ARHGAP32: variants seen among roughly 807,000 people sequenced by gnomAD.
The protein encoded by ARHGAP32 is Rho GTPase activating protein 32, also known as rho GTPase-activating protein 32.
In ARHGAP32, 51 loss-of-function variants were observed where a neutral mutation model predicts 186.5. The ratio of observed to expected loss-of-function variants is 0.27; its 90% CI spans 0.22 to 0.35. ARHGAP32 has a LOEUF of 0.35. Among genes scored for constraint, ARHGAP32 ranks in the 10% least tolerant of loss-of-function variants. ARHGAP32 has a pLI of 1.00. For missense variants in ARHGAP32, 2,186 were observed against 2,623.5 expected (o/e 0.83, Z 3.64); for synonymous variants, 950 against 964.3 (o/e 0.99, Z 0.27).
intron 6 of ARHGAP32, among the ~76,000 whole-genome samples, chr11:129,089,979 A>G (rs1371754585): frequency 6.6e-6 from 1 of 152,180 alleles, no homozygotes; most frequent in Non-Finnish European, 1.5e-5. Context: ...AGAGAGAGAG[A>G]GGGAGAGACT....
intron 1 of ARHGAP32, among the ~76,000 whole-genome samples, chr11:129,272,943 G>A (rs1945489792): frequency 1.3e-5 from 2 of 152,156 alleles, no homozygotes; most frequent in South Asian, 4.1e-4. Flanking sequence ...GTAAAAATCT[G>A]GCTTTAATTG....
At chr11:129,027,524 A>G (rs1311575643) in intron 11 of ARHGAP32, among the ~76,000 whole-genome samples, 1 of 151,940 alleles carries the variant, frequency 6.6e-6, no homozygotes, top group African/African-American at 2.4e-5. Flanking sequence ...CTGACCCTTT[A>G]CCAAGTCTGA....
At chr11:129,159,285 G>A (rs2262395) in intron 2 of ARHGAP32, among the ~76,000 whole-genome samples, 131,463 of 152,118 alleles carry the variant, frequency 0.86, 56,933 homozygotes, top group African/African-American at 0.88. Flanking sequence ...GAAAAGATTA[G>A]CAAAATGGAT....
At chr11:129,188,352 A>C (rs967391625) in intron 1 of ARHGAP32, among the ~76,000 whole-genome samples, 3 of 152,212 alleles carry the variant, frequency 2.0e-5, no homozygotes, top group Non-Finnish European at 4.4e-5. Context: ...ATAAAAGAAC[A>C]GGCAGAGTAA....
At chr11:129,231,838 A>C (rs1414389873) in intron 1 of ARHGAP32, among the ~76,000 whole-genome samples, 1 of 151,868 alleles carries the variant, frequency 6.6e-6, no homozygotes, top group Non-Finnish European at 1.5e-5. Flanking sequence ...CAGCCTGGGC[A>C]ACATTGAGAA....
intron 1 of ARHGAP32, among the ~76,000 whole-genome samples, chr11:129,219,819 A>G (rs1254723790): frequency 1.3e-5 from 2 of 152,074 alleles, no homozygotes; most frequent in Admixed American, 1.3e-4. Flanking sequence ...AACAAAAATA[A>G]CATCTGGAGG....
intron 2 of ARHGAP32, among the ~76,000 whole-genome samples, chr11:129,153,678 G>A (rs1020813945): frequency 6.6e-6 from 1 of 152,156 alleles, no homozygotes; most frequent in Non-Finnish European, 1.5e-5. Context: ...TAATTGGCAA[G>A]CCAAATGTAG....
intron 5 of ARHGAP32, among the ~76,000 whole-genome samples, chr11:129,115,502 A>G (rs954929291): frequency 2.0e-5 from 3 of 152,090 alleles, no homozygotes; most frequent in African/African-American, 7.2e-5. Context: ...TCATCTTTAA[A>G]CACTAGAATC....
chr11:129,249,877 T>G (rs1565480612), intron 1 of ARHGAP32, among the ~76,000 whole-genome samples: 1 of 152,056 alleles, frequency 6.6e-6, no homozygotes, highest in Non-Finnish European at 1.5e-5. Flanking sequence ...GACTCCAACT[T>G]TGCCACTTAA....
In ARHGAP32 at chr11:129,123,914, T is replaced by G; in HGVS notation, c.333A>C (p.Gly111=). The G allele has an allele frequency of 7.7e-7, 1 of 1,292,854 alleles. No individual in the cohort carries two copies. Among genetic ancestry groups the G allele is most frequent in the South Asian group, 1.2e-5 (1 of 80,942 alleles). 80.1% of individuals were successfully genotyped at this position (1,292,854 alleles called of 1,614,324 possible). Reference sequence around the variant, plus strand: ...TGTGAATGTTGTCACAGCCCATCAGTCCTGGAGTGGTGGACCTGAACGCAG... The same window carrying G: ...TGTGAATGTTGTCACAGCCCATCAGGCCTGGAGTGGTGGACCTGAACGCAG... ...VKHVKKSTTP[G]LMGCDNIHRL... Residue 111 remains glycine, a synonymous_variant, in exon 4 of 23, where the codon GGA becomes GGC. Coordinates refer to ENST00000682385, the MANE Select transcript of ARHGAP32 (RefSeq NM_001378024.1). The surrounding 1 kb of genome is among the most constrained non-coding windows in gnomAD (Gnocchi z 4.6).
At chr11:129,195,365 G>C (rs576912006), upstream of ARHGAP32, among the ~76,000 whole-genome samples, 3 of 151,934 alleles carry the variant, frequency 2.0e-5, no homozygotes, top group Non-Finnish European at 4.4e-5. Context: ...CCCTCACTTC[G>C]AGCCTTTCAA....
intron 11 of ARHGAP32, among the ~76,000 whole-genome samples, chr11:129,036,096 G>A (rs1300745762): frequency 6.6e-6 from 1 of 151,758 alleles, no homozygotes; most frequent in African/African-American, 2.4e-5. Context: ...ACATGAGAAT[G>A]GGCCAGGCAC....
chr11:128,975,097 T>C lies in ARHGAP32; in HGVS notation c.2195-95A>G, dbSNP rs755514937. 52 of 981,262 alleles carry C rather than the reference T, an allele frequency of 5.3e-5. No individual in the cohort carries two copies. The Middle Eastern group carries it at 5.5e-3, about 103-fold the overall frequency. 60.8% of individuals were successfully genotyped at this position (981,262 alleles called of 1,614,324 possible). On this transcript the variant is annotated intron_variant, in intron 20 of 22. Transcript: ENST00000682385. ...CTCAGCACAGCAGTAACTTACTATC[T>C]AGGTGAAGGAAGTGTTACTTCTCAT...
rs773772084 is a variant in ARHGAP32 at position 129,192,035 on chromosome 11, G to A, written c.116+48C>T. On this transcript the variant is annotated intron_variant, in intron 1 of 22. Coordinates refer to ENST00000682385, the MANE Select transcript of ARHGAP32 (RefSeq NM_001378024.1). ...GCAGAGAAGAAAAAGGGGTGCGGGT[G>A]GGGGTAGGGAGTGGACAGGACAAAG... The A allele has an allele frequency of 3.8e-6, 5 of 1,327,806 alleles. No individual in the cohort carries two copies. In the African/African-American group the frequency reaches 7.3e-5, roughly 19 times the overall value. The allele number at this position is 1,327,806 out of a possible 1,614,324, so 82.3% of individuals were successfully genotyped here.
At chr11:129,082,826 CA>C (rs962819743) in intron 6 of ARHGAP32, among the ~76,000 whole-genome samples, 2 of 152,064 alleles carry the variant, frequency 1.3e-5, no homozygotes, top group Non-Finnish European at 2.9e-5. Context: ...AACTATGCAT[CA>C]GACAAAGGAC....
intron 1 of ARHGAP32, among the ~76,000 whole-genome samples, chr11:129,265,240 G>C (rs1945381044): frequency 6.6e-6 from 1 of 152,150 alleles, no homozygotes; most frequent in African/African-American, 2.4e-5. Context: ...ACGGTAAAGA[G>C]CTAAAACTGC....
At chr11:128,973,702 C>T in intron 21 of ARHGAP32, 1 of 542,598 alleles carries the variant, frequency 1.8e-6, no homozygotes, top group African/African-American at 1.9e-5. Context: ...CCTCACCTGG[C>T]TCAGAAAAGA....
At chr11:129,143,624 A>ACAAACTAGATGTTTATTTTG (rs1362469469) in intron 2 of ARHGAP32, among the ~76,000 whole-genome samples, 6 of 152,154 alleles carry the variant, frequency 3.9e-5, no homozygotes, top group Non-Finnish European at 5.9e-5. Context: ...TAATAGCCCC[A>ACAAACTAGATGTTTATTTTG]AAGCACAAGA....
In ARHGAP32 at chr11:128,972,798, A is replaced by G; in HGVS notation, c.3708T>C (p.Asp1236=). Residue 1236 remains aspartate (D), a synonymous_variant, in exon 22 of 23, where the codon GAT becomes GAC. Coordinates refer to ENST00000682385, the MANE Select transcript of ARHGAP32 (RefSeq NM_001378024.1). ...CAAATTCTAAAGGGTGATGGAGTTT[A>G]TCCACACTTGCACCAAGATAAGAAG... ...QPPSYLGASV[D]KLHHPLEFAD... is the part of the protein sequence containing the mutation. 6.2e-7 allele frequency: 1 copy of G among 1,614,010 alleles called. No individual in the cohort carries two copies. Among genetic ancestry groups the G allele is most frequent in the Non-Finnish European group, 8.5e-7 (1 of 1,180,010 alleles).
Sources: allele counts gnomAD v4.1 joint callset (sites outside exome capture counted in the v4.1 genomes callset), GRCh38; gene constraint gnomAD v4.1.1; non-coding constraint Gnocchi (gnomAD v3.1); transcripts MANE v1.5; gene names NCBI Gene and HGNC (gene_info 2026-07-23, HGNC 2026-07-21).